Variants in CNTNAP2 observed in about 807,000 individuals in gnomAD.
CNTNAP2 encodes the protein contactin associated protein 2, also known as contactin-associated protein-like 2.
CNTNAP2 carries 98 observed loss-of-function variants against 155.2 expected under a neutral mutation model. The observed-to-expected ratio is 0.63, with a 90% CI of 0.54 to 0.75. CNTNAP2 has a LOEUF of 0.75. Ranked by LOEUF, CNTNAP2 falls within the 30% of genes least tolerant of loss-of-function variation. The probability of loss-of-function intolerance (pLI) is 0.00; values close to 1 mark genes in which losing one functional copy is unlikely to be tolerated. For missense variants in CNTNAP2, 1,727 were observed against 1,688.1 expected (o/e 1.02, Z -0.40); for synonymous variants, 651 against 631.2 (o/e 1.03, Z -0.47).
At chr7:146,306,197 G>C (rs926528509) in intron 1 of CNTNAP2, among the ~76,000 whole-genome samples, 2 of 152,030 alleles carry the variant, frequency 1.3e-5, no homozygotes, top group African/African-American at 4.8e-5. Context: ...ACTAAACCAG[G>C]AAGGAGTTGA....
intron 13 of CNTNAP2, among the ~76,000 whole-genome samples, chr7:147,877,604 T>C (rs1214079427): frequency 6.6e-6 from 1 of 152,200 alleles, no homozygotes; most frequent in Non-Finnish European, 1.5e-5. Flanking sequence ...AATTAATTTT[T>C]ATAAATAATT....
intron 11 of CNTNAP2, among the ~76,000 whole-genome samples, chr7:147,548,292 G>C (rs1411500420): frequency 6.6e-6 from 1 of 152,020 alleles, no homozygotes; most frequent in Non-Finnish European, 1.5e-5. Context: ...TTTAATAATC[G>C]CCATTCTGAC....
chr7:147,274,563 C>A (rs926981028), intron 8 of CNTNAP2, among the ~76,000 whole-genome samples: 2 of 152,072 alleles, frequency 1.3e-5, no homozygotes, highest in African/African-American at 4.8e-5. Context: ...TTTGTAGATT[C>A]TGGACGTTAG....
At chr7:146,672,568 C>A (rs541142841) in intron 1 of CNTNAP2, among the ~76,000 whole-genome samples, 115 of 152,248 alleles carry the variant, frequency 7.6e-4, no homozygotes, top group African/African-American at 2.6e-3. Context: ...TCACAAAAAA[C>A]CACTTGGAAT....
chr7:146,970,775 G>A (rs868061339), intron 3 of CNTNAP2, among the ~76,000 whole-genome samples: 21 of 152,044 alleles, frequency 1.4e-4, no homozygotes, highest in African/African-American at 3.9e-4. Flanking sequence ...TGTTTATTGC[G>A]GCACTATTCA....
intron 1 of CNTNAP2, among the ~76,000 whole-genome samples, chr7:146,126,480 G>A (rs994662682): frequency 1.3e-5 from 2 of 152,140 alleles, no homozygotes; most frequent in African/African-American, 4.8e-5. Context: ...CTTTTGCAGT[G>A]TAGTTCTATC....
chr7:146,491,862 T>C (rs773587547), intron 1 of CNTNAP2, among the ~76,000 whole-genome samples: 162 of 152,170 alleles, frequency 1.1e-3, no homozygotes, highest in Non-Finnish European at 1.4e-3. Flanking sequence ...ATTCATCTTC[T>C]ATTATGTGTC....
intron 4 of CNTNAP2, among the ~76,000 whole-genome samples, chr7:147,066,889 G>A (rs542951421): frequency 6.6e-6 from 1 of 152,176 alleles, no homozygotes; most frequent in East Asian, 1.9e-4. Context: ...AGATCAGGGT[G>A]CTAGCATCAT....
At chr7:147,934,025 A>G (rs1380391694) in intron 14 of CNTNAP2, among the ~76,000 whole-genome samples, 2 of 152,364 alleles carry the variant, frequency 1.3e-5, no homozygotes, top group African/African-American at 4.8e-5. Context: ...TCATAGAAGC[A>G]AAGAGTAGAA....
At position 148,310,174 on chromosome 7, in the gene CNTNAP2, A is replaced by C. The variant is rs902094768; in HGVS notation, c.3475+43048A>C. On this transcript the variant is annotated intron_variant, in intron 21 of 23. Coordinates refer to ENST00000361727, the MANE Select transcript of CNTNAP2 (RefSeq NM_014141.6). ...GAATTGGGAGGACCTAGGACATCTA[A>C]CTAGAGAGTGTCCAAGGGGGTTCAG... Among the ~76,000 whole-genome samples, 4 of 152,212 alleles carry C rather than the reference A, an allele frequency of 2.6e-5. No individual in the cohort carries two copies. In the South Asian group the frequency reaches 6.2e-4, roughly 24 times the overall value.
At chr7:147,481,629 C>G (rs901034041) in intron 10 of CNTNAP2, among the ~76,000 whole-genome samples, 4 of 152,118 alleles carry the variant, frequency 2.6e-5, no homozygotes, top group African/African-American at 9.7e-5. Flanking sequence ...GCATTTGATT[C>G]TAAAGCATTT....
intron 1 of CNTNAP2, among the ~76,000 whole-genome samples, chr7:146,719,047 G>A (rs980990558): frequency 6.6e-6 from 1 of 152,142 alleles, no homozygotes; most frequent in African/African-American, 2.4e-5. Context: ...AAGTAAGGAA[G>A]ATTTCTCTTA....
At chr7:147,556,648 C>T (rs1432007192) in intron 11 of CNTNAP2, among the ~76,000 whole-genome samples, 1 of 152,136 alleles carries the variant, frequency 6.6e-6, no homozygotes, top group Non-Finnish European at 1.5e-5. Flanking sequence ...ATGTGTGTGG[C>T]CTCTATAATC....
At chr7:146,387,204 C>G (rs1430395993) in intron 1 of CNTNAP2, among the ~76,000 whole-genome samples, 5 of 152,198 alleles carry the variant, frequency 3.3e-5, no homozygotes, top group Non-Finnish European at 5.9e-5. Flanking sequence ...CAAGTGAGGT[C>G]TGGGGCTTTT....
chr7:147,852,152 C>T (rs991585353), intron 13 of CNTNAP2, among the ~76,000 whole-genome samples: 7 of 152,000 alleles, frequency 4.6e-5, no homozygotes, highest in African/African-American at 1.5e-4. Context: ...ATCACATGGC[C>T]GAACACTTTA....
At chr7:146,334,280 A>C (rs1161898461) in intron 1 of CNTNAP2, among the ~76,000 whole-genome samples, 1 of 151,966 alleles carries the variant, frequency 6.6e-6, no homozygotes, top group African/African-American at 2.4e-5. Flanking sequence ...AAATACCAAA[A>C]ATGAGCTGGG....
intron 21 of CNTNAP2, among the ~76,000 whole-genome samples, chr7:148,332,586 T>A (rs1177172048): frequency 2.6e-5 from 4 of 152,204 alleles, no homozygotes; most frequent in Admixed American, 2.6e-4. Context: ...ACTTAGCTAG[T>A]AGCCAAATAC....
intron 1 of CNTNAP2, among the ~76,000 whole-genome samples, chr7:146,380,879 G>T (rs574458725): frequency 1.6e-5 from 2 of 127,230 alleles, no homozygotes; most frequent in Non-Finnish European, 3.1e-5. Flanking sequence ...CTCACTGCAG[G>T]CTCCGCCCCC....
chr7:147,951,425 T>TC (rs994049004), intron 14 of CNTNAP2, among the ~76,000 whole-genome samples: 6 of 152,286 alleles, frequency 3.9e-5, no homozygotes, highest in African/African-American at 1.2e-4. Flanking sequence ...TGTCCAAACC[T>TC]CCGTATAATC....
Sources: allele counts gnomAD v4.1 joint callset (sites outside exome capture counted in the v4.1 genomes callset), GRCh38; gene constraint gnomAD v4.1.1; transcripts MANE v1.5; gene names NCBI Gene and HGNC (gene_info 2026-07-23, HGNC 2026-07-21).